Variants in CDADC1 observed in about 807,000 individuals in gnomAD.
CDADC1 encodes dCTP deaminase.
In CDADC1, 39 loss-of-function variants were observed where a neutral mutation model predicts 54.9. The ratio of observed to expected loss-of-function variants is 0.71; its 90% CI spans 0.55 to 0.93. The LOEUF is 0.93. CDADC1 is among the 40% of genes least tolerant of loss of function. CDADC1 has a pLI of 0.00. For synonymous variants in CDADC1, 186 were observed against 204.0 expected (o/e 0.91, Z 0.75); for missense variants, 518 against 618.8 (o/e 0.84, Z 1.73).
At position 49,280,625 on chromosome 13, in the gene CDADC1, T is replaced by A; in HGVS notation, c.1337T>A (p.Val446Glu). The A allele has an allele frequency of 6.2e-7, 1 of 1,602,084 alleles. No individual in the cohort carries two copies. The highest frequency in any genetic ancestry group is 8.5e-7 in the Non-Finnish European group (1 of 1,174,638). ...AGIKQIYAGDVDVGKKKADIS... is the reference protein window; with the variant it reads ...AGIKQIYAGDEDVGKKKADIS... ...ATAAAACAAATCTATGCAGGAGATG[T>A]AGATGTTGGAAAAAAGAAGGCAGAC... is the stretch of plus-strand genomic sequence containing the variant. The change falls in exon 8 of 10, where the codon GTA becomes GAA. Residue 446 changes from valine (V) to glutamate (E), a missense_variant. By Grantham distance (121) the Val-to-Glu change is moderately radical. Transcript: ENST00000251108.
rs372769760 is a variant in CDADC1 at position 49,264,891 on chromosome 13, C to A, written c.431-2599C>A. 5.9e-5 allele frequency among the ~76,000 whole-genome samples: 9 copies of A among 152,190 alleles called. No homozygotes were observed. The East Asian group carries it at 1.7e-3, about 29-fold the overall frequency. On this transcript the variant is annotated intron_variant, in intron 4 of 9. Transcript: ENST00000251108. Reference sequence around the variant, plus strand: ...ATTATGAGGTAGCTACCATTATTTCCCCCATTTTACAAATAGGGAAACTGA... The same window carrying A: ...ATTATGAGGTAGCTACCATTATTTCACCCATTTTACAAATAGGGAAACTGA...
At chr13:49,250,295 G>A (rs1437318610) in intron 2 of CDADC1, among the ~76,000 whole-genome samples, 1 of 152,218 alleles carries the variant, frequency 6.6e-6, no homozygotes, top group Admixed American at 6.5e-5. Flanking sequence ...TACTGTGGAT[G>A]AGGTTTTGTG....
chr13:49,248,891 A>G lies in CDADC1; in HGVS notation c.103A>G (p.Lys35Glu). 6.2e-7 allele frequency: 1 copy of G among 1,610,160 alleles called. No individual in the cohort carries two copies. Among genetic ancestry groups the G allele is most frequent in the Non-Finnish European group, 8.5e-7 (1 of 1,176,356 alleles). Residue 35 changes from lysine to glutamate, a missense_variant, in exon 2 of 10, where the codon AAA becomes GAA. By Grantham distance (56) the Lys-to-Glu change is moderately conservative. Coordinates refer to ENST00000251108, the MANE Select transcript of CDADC1 (RefSeq NM_030911.4). ...SMTGQIPRLS[K>E]VNLFTLLSLW... is the part of the protein sequence containing the mutation. ...TGTAGGTCAGATACCAAGGCTTTCT[A>G]AAGTCAACCTTTTCACTCTGCTCAG...
Position 49,249,052 on chromosome 13 carries a change from C to T in CDADC1, c.177+87C>T. On this transcript the variant is annotated intron_variant, in intron 2 of 9. Coordinates refer to ENST00000251108, the MANE Select transcript of CDADC1 (RefSeq NM_030911.4). The stretch of plus-strand genomic sequence containing the variant: ...GCTCCAGTTTCTGTCATACCTAAAA[C>T]CAAACTTAACAAGGCTTAAGATTTA... 3.8e-6 allele frequency: 3 copies of T among 795,836 alleles called. No individual in the cohort carries two copies. In the South Asian group the frequency reaches 4.2e-5, roughly 11 times the overall value. The allele number at this position is 795,836 out of a possible 1,614,324, so 49.3% of individuals were successfully genotyped here.
intron 3 of CDADC1, among the ~76,000 whole-genome samples, chr13:49,256,721 A>G (rs1952556991): frequency 6.6e-6 from 1 of 152,220 alleles, no homozygotes; most frequent in African/African-American, 2.4e-5. Context: ...CAGAGTGGAG[A>G]CTAAGCATGT....
intron 7 of CDADC1, 120 bp from the exon 8 acceptor site, chr13:49,280,389 A>G (rs1187610147): frequency 1.3e-5 from 6 of 451,192 alleles, no homozygotes; most frequent in African/African-American, 6.0e-5. Flanking sequence ...GATGATCATT[A>G]TTAATAATGT....
intron 4 of CDADC1, among the ~76,000 whole-genome samples, chr13:49,266,961 G>A (rs966357434): frequency 2.4e-4 from 37 of 152,256 alleles, no homozygotes; most frequent in African/African-American, 7.0e-4. Context: ...TAGTTTTAGC[G>A]CTGGGCTTTG....
At chr13:49,250,949 A>G (rs1216517421) in intron 2 of CDADC1, among the ~76,000 whole-genome samples, 1 of 152,108 alleles carries the variant, frequency 6.6e-6, no homozygotes, top group Non-Finnish European at 1.5e-5. Context: ...TAATTTTGAA[A>G]TTCCTTTATT....
In CDADC1 at chr13:49,267,711, A is replaced by G; in HGVS notation, c.652A>G (p.Lys218Glu). The G allele has an allele frequency of 6.2e-7, 1 of 1,612,496 alleles. No individual in the cohort carries two copies. The change falls in exon 5 of 10, where the codon AAA (lysine) becomes GAA (glutamate). Residue 218 changes from lysine to glutamate, a missense_variant. By Grantham distance (56) the Lys-to-Glu change is moderately conservative. Transcript: ENST00000251108. ...ATGTGACTTTATTCAAAAAATTACA[A>G]AAACATTGCCGGATGCTAACACTGA... is the stretch of plus-strand genomic sequence containing the variant. ...YKCDFIQKIT[K>E]TLPDANTDFY...
At chr13:49,276,214 C>T (rs556914830) in intron 6 of CDADC1, among the ~76,000 whole-genome samples, 14 of 152,202 alleles carry the variant, frequency 9.2e-5, no homozygotes, top group African/African-American at 3.4e-4. Flanking sequence ...CCTGCAGCAC[C>T]TCTCAATCTA....
intron 8 of CDADC1, 107 bp downstream of exon 8, chr13:49,280,805 A>AATTATTATT (rs10626538): frequency 0.13 from 29,738 of 228,074 alleles, 2,834 homozygotes; most frequent in East Asian, 0.26. Flanking sequence ...AGTTTCAACA[A>AATTATTATT]ATTATTATTA....
intron 5 of CDADC1, among the ~76,000 whole-genome samples, chr13:49,272,112 A>G (rs889444838): frequency 2.6e-5 from 4 of 152,224 alleles, no homozygotes; most frequent in African/African-American, 9.6e-5. Context: ...TGAAACAGAA[A>G]AAGTGGCTTC....
At position 49,281,042 on chromosome 13, in the gene CDADC1, C is replaced by T. The variant is rs932911626; in HGVS notation, c.1410+344C>T. On this transcript the variant is annotated intron_variant, in intron 8 of 9. Coordinates refer to ENST00000251108, the MANE Select transcript of CDADC1 (RefSeq NM_030911.4). ...AGAGACGGGGTTTCGCCATGTTGTC[C>T]GGGCTGGTCTCAAACTCCTGAGCTC... is the stretch of plus-strand genomic sequence containing the variant. Among the ~76,000 whole-genome samples the T allele has an allele frequency of 4.7e-4, 71 of 152,046 alleles. 3 individuals are homozygous for T. The highest frequency in any genetic ancestry group is 4.6e-3 in the Admixed American group (70 of 15,266).
At chr13:49,264,380 C>T (rs879749563) in intron 4 of CDADC1, among the ~76,000 whole-genome samples, 4 of 152,030 alleles carry the variant, frequency 2.6e-5, no homozygotes, top group Non-Finnish European at 5.9e-5. Flanking sequence ...TTCTGCAGAG[C>T]TTTAAAGAGC....
chr13:49,267,958 G>C lies in CDADC1; in HGVS notation c.899G>C (p.Arg300Pro), dbSNP rs202201686. ...AACTTTAAACACTTCGGATTTTACC[G>C]TAGCAATCCAGAACAGATTAATGAA... ...VPNFKHFGFY[R>P]SNPEQINEIH... The change falls in exon 5 of 10, where the codon CGT (arginine) becomes CCT (proline). Residue 300 changes from arginine (R) to proline (P), a missense_variant. Physicochemically the swap from Arg to Pro is moderately radical, Grantham distance 103. Transcript: ENST00000251108. 6.2e-7 allele frequency: 1 copy of C among 1,613,936 alleles called. No individual in the cohort carries two copies. Among genetic ancestry groups the C allele is most frequent in the Admixed American group, 1.7e-5 (1 of 59,992 alleles).
intron 8 of CDADC1, among the ~76,000 whole-genome samples, chr13:49,285,182 C>CTTT (rs57516377): frequency 4.6e-5 from 6 of 131,858 alleles, no homozygotes; most frequent in South Asian, 2.4e-4. Flanking sequence ...TTTCTTTTTT[C>CTTT]TTTTTTTTTT....
chr13:49,267,105 G>C (rs1285457908), intron 4 of CDADC1, among the ~76,000 whole-genome samples: 1 of 152,122 alleles, frequency 6.6e-6, no homozygotes, highest in Admixed American at 6.6e-5. Context: ...GTCTGTCACA[G>C]CTACTCAACT....
intron 9 of CDADC1, among the ~76,000 whole-genome samples, chr13:49,291,234 A>C (rs1430420071): frequency 6.7e-6 from 1 of 148,196 alleles, no homozygotes; most frequent in Non-Finnish European, 1.5e-5. Context: ...TGGCACAGTC[A>C]TGGCTCACTG....
chr13:49,276,347 TAAG>T (rs1316471796), intron 6 of CDADC1, among the ~76,000 whole-genome samples: 1 of 151,850 alleles, frequency 6.6e-6, no homozygotes, highest in Non-Finnish European at 1.5e-5. Flanking sequence ...AGACAGAAAA[TAAG>T]GAGATTAATA....
Sources: gnomAD v4.1 joint callset for allele counts (sites outside exome capture counted in the v4.1 genomes callset) on GRCh38, gnomAD v4.1.1 for gene constraint, MANE v1.5 for transcripts, NCBI Gene and HGNC (gene_info 2026-07-23, HGNC 2026-07-21) for gene names.